NTRK3: variants seen among roughly 807,000 people sequenced by gnomAD.
NTRK3 encodes the protein neurotrophic receptor tyrosine kinase 3, also known as NT-3 growth factor receptor.
Under a neutral mutation model 91.7 loss-of-function variants are expected in NTRK3, and 24 were observed. That is an observed-to-expected ratio of 0.26 (90% confidence interval 0.19 to 0.37). NTRK3 has a LOEUF of 0.37. NTRK3 is among the 10% of genes least tolerant of loss of function. The probability of loss-of-function intolerance (pLI) is 1.00; values close to 1 mark genes in which losing one functional copy is unlikely to be tolerated. For missense variants in NTRK3, 880 were observed against 1,068.9 expected (o/e 0.82, Z 2.46); for synonymous variants, 483 against 404.0 (o/e 1.20, Z -2.34).
chr15:88,190,236 C>T (rs1442417337), intron 3 of NTRK3, among the ~76,000 whole-genome samples: 3 of 152,214 alleles, frequency 2.0e-5, no homozygotes, highest in African/African-American at 7.2e-5. Context: ...AGCTCTTCTT[C>T]ATAACCAAAT....
At chr15:87,932,971 G>A (rs2068940766) in intron 16 of NTRK3, 41 bp downstream of exon 16, 1 of 1,608,664 alleles carries the variant, frequency 6.2e-7, no homozygotes, top group Non-Finnish European at 8.5e-7. Flanking sequence ...AGGGTTCGGT[G>A]GGACTGGGGT....
At chr15:88,222,497 C>T (rs890767093) in intron 3 of NTRK3, among the ~76,000 whole-genome samples, 4 of 152,210 alleles carry the variant, frequency 2.6e-5, no homozygotes, top group Non-Finnish European at 5.9e-5. Context: ...TATCATCCCT[C>T]ATTTTAATCA....
In NTRK3 at chr15:87,864,178, G is replaced by A. The variant is rs113965811; in HGVS notation, c.*12757C>T. On this transcript the variant is annotated 3_prime_UTR_variant, in exon 19 of 19. Coordinates refer to ENST00000394480, the Ensembl canonical transcript of NTRK3. ...GCTTTCCTTTCATTTTAATTTGACA[G>A]TTCCTCAAGCTAATCCACCATGGCC... The A allele has an allele frequency of 7.7e-4, 180 of 232,672 alleles. 3 individuals are homozygous for A. Among genetic ancestry groups the A allele is most frequent in the African/African-American group, 3.7e-3 (168 of 45,410 alleles). The allele number at this position is 232,672 out of a possible 1,614,324, so 14.4% of individuals were successfully genotyped here.
At chr15:88,003,014 C>T (rs2076227630) in intron 14 of NTRK3, among the ~76,000 whole-genome samples, 1 of 152,300 alleles carries the variant, frequency 6.6e-6, no homozygotes, top group South Asian at 2.1e-4. Flanking sequence ...AGGCAGCGTG[C>T]CAGCACATGA....
At chr15:88,152,663 TAC>T (rs760645094) in intron 5 of NTRK3, among the ~76,000 whole-genome samples, 4 of 152,216 alleles carry the variant, frequency 2.6e-5, no homozygotes, top group South Asian at 2.1e-4. Context: ...TGCAAATTAA[TAC>T]ACCTGTTCTC....
At chr15:88,033,201 T>TATATATATAA (rs1346391856) in intron 13 of NTRK3, among the ~76,000 whole-genome samples, 156 bp from the exon 14 acceptor site, 2 of 124,020 alleles carry the variant, frequency 1.6e-5, no homozygotes, top group East Asian at 2.2e-4. Context: ...TATATATATA[T>TATATATATAA]ATATATATAT....
chr15:88,149,002 C>T (rs1384510547), intron 5 of NTRK3, among the ~76,000 whole-genome samples: 1 of 152,130 alleles, frequency 6.6e-6, no homozygotes, highest in African/African-American at 2.4e-5. Context: ...GGGATAGAGA[C>T]CTTCCCCTTG....
intron 3 of NTRK3, among the ~76,000 whole-genome samples, chr15:88,223,448 G>C (rs2050411014): frequency 6.6e-6 from 1 of 152,238 alleles, no homozygotes; most frequent in Non-Finnish European, 1.5e-5. Flanking sequence ...GGACAAGAAG[G>C]CAAAGGCCGT....
intron 17 of NTRK3, among the ~76,000 whole-genome samples, chr15:87,914,026 A>G (rs2067273693): frequency 6.6e-6 from 1 of 152,172 alleles, no homozygotes; most frequent in South Asian, 2.1e-4. Context: ...AAAGACATGG[A>G]GTATTTCTGA....
At chr15:87,903,395 A>G (rs2066568733) in intron 17 of NTRK3, among the ~76,000 whole-genome samples, 1 of 152,158 alleles carries the variant, frequency 6.6e-6, no homozygotes, top group African/African-American at 2.4e-5. Context: ...GCACAACCAG[A>G]AAGATTCCCT....
chr15:87,901,436 G>T (rs2066447541), intron 17 of NTRK3, among the ~76,000 whole-genome samples: 1 of 152,210 alleles, frequency 6.6e-6, no homozygotes, highest in South Asian at 2.1e-4. Flanking sequence ...TCCCCAAAAG[G>T]TCAAGCCAGG....
chr15:88,020,235 T>G (rs1279312704), intron 14 of NTRK3, among the ~76,000 whole-genome samples: 2 of 151,982 alleles, frequency 1.3e-5, no homozygotes, highest in East Asian at 3.9e-4. Flanking sequence ...CAAAAGAATC[T>G]CGCCATGAAT....
chr15:87,974,482 C>G (rs2073544046), intron 14 of NTRK3, among the ~76,000 whole-genome samples: 1 of 151,068 alleles, frequency 6.6e-6, no homozygotes, highest in Admixed American at 6.6e-5. Context: ...GGCAGCCTAA[C>G]CTGATATCCT....
At chr15:87,940,858 C>A (rs745491603) in intron 14 of NTRK3, 105 bp from the exon 15 acceptor site, 3 of 1,531,198 alleles carry the variant, frequency 2.0e-6, no homozygotes, top group Non-Finnish European at 2.7e-6. Context: ...GGTTCTGAGC[C>A]TACAGCAGGC....
chr15:87,944,622 T>G (rs1419216515), intron 14 of NTRK3, among the ~76,000 whole-genome samples: 2 of 152,240 alleles, frequency 1.3e-5, no homozygotes, highest in African/African-American at 4.8e-5. Context: ...TTCCCAGCTT[T>G]ACGGCCACTA....
intron 14 of NTRK3, among the ~76,000 whole-genome samples, chr15:87,981,516 C>T (rs937545280): frequency 6.6e-6 from 1 of 152,190 alleles, no homozygotes; most frequent in African/African-American, 2.4e-5. Context: ...GTAGTGGCAG[C>T]TGGTTTATTT....
intron 14 of NTRK3, chr15:87,981,099 G>A: frequency 2.1e-6 from 3 of 1,412,810 alleles, no homozygotes; most frequent in Non-Finnish European, 2.9e-6. Flanking sequence ...ATCCCGTGCT[G>A]GGCACCTAGT....
intron 14 of NTRK3, among the ~76,000 whole-genome samples, chr15:88,029,384 C>T (rs1318112678): frequency 6.6e-6 from 1 of 152,090 alleles, no homozygotes; most frequent in African/African-American, 2.4e-5. Context: ...ATGCTATGGA[C>T]CAGATTGAAA....
intron 17 of NTRK3, among the ~76,000 whole-genome samples, chr15:87,921,235 T>A (rs766753196): frequency 3.9e-5 from 6 of 152,156 alleles, no homozygotes; most frequent in Non-Finnish European, 5.9e-5. Context: ...TTACGATATT[T>A]CAAAAACAGC....
Sources: gnomAD v4.1 joint callset for allele counts (sites outside exome capture counted in the v4.1 genomes callset) on GRCh38, gnomAD v4.1.1 for gene constraint, MANE v1.5 for transcripts, NCBI Gene and HGNC (gene_info 2026-07-23, HGNC 2026-07-21) for gene names.